Variants in PTPRN2 observed in about 807,000 individuals in gnomAD.
PTPRN2 encodes receptor-type tyrosine-protein phosphatase N2.
A neutral mutation model predicts 118.8 loss-of-function variants in PTPRN2; 74 were observed. That is an observed-to-expected ratio of 0.62 (90% confidence interval 0.52 to 0.76). The LOEUF (loss-of-function observed/expected upper bound fraction) is 0.76. Ranked by LOEUF, PTPRN2 falls within the 30% of genes least tolerant of loss-of-function variation. The pLI is 0.00. For missense variants in PTPRN2, 1,481 were observed against 1,394.4 expected (o/e 1.06, Z -0.99); for synonymous variants, 641 against 608.0 (o/e 1.05, Z -0.80).
Position 158,483,534 on chromosome 7 carries a change from A to G in PTPRN2, c.163+6201T>C, listed in dbSNP as rs555454135. ...TAGTGCTTTTAGTACCTAAGTTGCA[A>G]TGGGAGGTGATTGTTTGCTGGAAAA... On this transcript the variant is annotated intron_variant, in intron 2 of 22. Coordinates refer to ENST00000389418, the MANE Select transcript of PTPRN2 (RefSeq NM_002847.5). Among the ~76,000 whole-genome samples the G allele has an allele frequency of 1.1e-4, 16 of 152,304 alleles. No homozygotes were observed. In the East Asian group the frequency reaches 3.1e-3, roughly 29 times the overall value.
chr7:157,623,286 T>C (rs1359220115), intron 14 of PTPRN2, among the ~76,000 whole-genome samples: 2 of 152,258 alleles, frequency 1.3e-5, no homozygotes, highest in Non-Finnish European at 1.5e-5. Flanking sequence ...TTGATAGTTA[T>C]GGTGAAAGGA....
chr7:158,057,665 C>T (rs1161966442), intron 11 of PTPRN2, among the ~76,000 whole-genome samples: 1 of 152,144 alleles, frequency 6.6e-6, no homozygotes, highest in Non-Finnish European at 1.5e-5. Context: ...AGAGCCCAGG[C>T]CCCACTTCCT....
chr7:158,360,034 ATCCC>A lies in PTPRN2; in HGVS notation c.164-43106_164-43103del, dbSNP rs1563198410. 7.7e-4 allele frequency among the ~76,000 whole-genome samples: 115 copies of A among 149,542 alleles called. 4 individuals are homozygous for A. Among genetic ancestry groups the A allele is most frequent in the African/African-American group, 2.6e-3 (102 of 39,580 alleles). On this transcript the variant is annotated intron_variant, in intron 2 of 22. Coordinates refer to ENST00000389418, the MANE Select transcript of PTPRN2 (RefSeq NM_002847.5). ...CCTTCCTCACCCAGACAACCCACAG[ATCCC>A]AAGTCCACCCACACCCAGGACGACG...
chr7:157,654,551 G>A (rs893546319), intron 14 of PTPRN2, among the ~76,000 whole-genome samples: 3 of 152,152 alleles, frequency 2.0e-5, no homozygotes, highest in Non-Finnish European at 4.4e-5. Flanking sequence ...GTGGTGAGAC[G>A]CGTTCCGAAA....
At position 158,068,878 on chromosome 7, in the gene PTPRN2, T is replaced by C. The variant is rs138038615; in HGVS notation, c.1723+12420A>G. On this transcript the variant is annotated intron_variant, in intron 11 of 22. Coordinates refer to ENST00000389418, the MANE Select transcript of PTPRN2 (RefSeq NM_002847.5). ...GTAATAAGACAAGGTGTTGATAGAG[T>C]GCAAACTGTCTTTAAATTTAAAAGG... Among the ~76,000 whole-genome samples, 417 of 152,274 alleles carry C rather than the reference T, an allele frequency of 2.7e-3. 3 individuals carry two copies. Among genetic ancestry groups the C allele is most frequent in the African/African-American group, 9.6e-3 (399 of 41,530 alleles).
intron 12 of PTPRN2, among the ~76,000 whole-genome samples, chr7:157,714,059 G>A (rs552682486): frequency 9.2e-5 from 14 of 152,338 alleles, no homozygotes; most frequent in South Asian, 4.1e-4. Flanking sequence ...GTAAAGCCAC[G>A]AAGGCATCGT....
intron 2 of PTPRN2, among the ~76,000 whole-genome samples, chr7:158,401,391 G>A (rs1011484636): frequency 2.0e-5 from 3 of 152,240 alleles, no homozygotes; most frequent in African/African-American, 7.2e-5. Flanking sequence ...AGGAGCCGCT[G>A]GACCCCAAGG....
intron 12 of PTPRN2, among the ~76,000 whole-genome samples, chr7:157,792,424 G>A (rs918599922): frequency 3.3e-5 from 5 of 152,338 alleles, no homozygotes; most frequent in Non-Finnish European, 5.9e-5. Flanking sequence ...CAGCAGTGGA[G>A]AGAAGCCCAT....
At chr7:158,274,649 G>A (rs942659242) in intron 3 of PTPRN2, among the ~76,000 whole-genome samples, 2 of 152,170 alleles carry the variant, frequency 1.3e-5, no homozygotes, top group Non-Finnish European at 2.9e-5. Flanking sequence ...GTGTGGAGGG[G>A]CCGCGTGGCT....
chr7:158,245,987 G>T (rs1047285912), intron 3 of PTPRN2, among the ~76,000 whole-genome samples: 3 of 151,996 alleles, frequency 2.0e-5, no homozygotes, highest in Non-Finnish European at 2.9e-5. Flanking sequence ...ATCAGGGCCT[G>T]GTTGGCAGCA....
chr7:158,309,735 T>G (rs559586983), intron 3 of PTPRN2, among the ~76,000 whole-genome samples: 1 of 152,322 alleles, frequency 6.6e-6, no homozygotes, highest in South Asian at 2.1e-4. Flanking sequence ...GAATATAAGA[T>G]TAGTTCAAAT....
At position 157,808,458 on chromosome 7, in the gene PTPRN2, C is replaced by T. The variant is rs1431273377; in HGVS notation, c.1788+90215G>A. 6.6e-6 allele frequency among the ~76,000 whole-genome samples: 1 copy of T among 152,250 alleles called. No homozygotes were observed. Among genetic ancestry groups the T allele is most frequent in the African/African-American group, 2.4e-5 (1 of 41,554 alleles). On this transcript the variant is annotated intron_variant, in intron 12 of 22. Coordinates refer to ENST00000389418, the MANE Select transcript of PTPRN2 (RefSeq NM_002847.5). The surrounding 1 kb of genome is among the most constrained non-coding windows in gnomAD (Gnocchi z 5.0). Reference sequence around the variant, plus strand: ...CAGTGGCATCAGATTCTCATAGGAGCTTGAGCCCTGTTGTGAACTGTGCAT... The same window carrying T: ...CAGTGGCATCAGATTCTCATAGGAGTTTGAGCCCTGTTGTGAACTGTGCAT...
chr7:157,661,389 T>A (rs1795878849), intron 13 of PTPRN2, among the ~76,000 whole-genome samples: 1 of 151,946 alleles, frequency 6.6e-6, no homozygotes, highest in East Asian at 1.9e-4. Flanking sequence ...GGGAGAAGGG[T>A]GTGCCCACAG....
rs961273606 is a variant in PTPRN2, at chr7:158,110,950, A to G, written c.1557-35T>C. The stretch of plus-strand genomic sequence containing the variant: ...ACAGCAGGGATGGGGAGCAGTCACC[A>G]CAGAGCCAGCAGTCCTGGAGAACTA... On this transcript the variant is annotated intron_variant, in intron 9 of 22. Coordinates refer to ENST00000389418, the MANE Select transcript of PTPRN2 (RefSeq NM_002847.5). 9 of 1,517,886 alleles carry G rather than the reference A, an allele frequency of 5.9e-6. No homozygotes were observed. In the Admixed American group the frequency reaches 1.6e-4, roughly 27 times the overall value. 94.0% of individuals were successfully genotyped at this position (1,517,886 alleles called of 1,614,324 possible). A position where few individuals can be genotyped will look rare whatever the true frequency, so the allele number is the denominator to read the frequency against.
intron 11 of PTPRN2, among the ~76,000 whole-genome samples, chr7:158,012,587 C>T (rs915814684): frequency 5.3e-5 from 8 of 152,178 alleles, no homozygotes; most frequent in South Asian, 4.1e-4. Flanking sequence ...TTATTACCAC[C>T]GCTTGAAGAA....
chr7:158,125,056 T>C (rs565804620), intron 9 of PTPRN2, among the ~76,000 whole-genome samples: 67 of 152,256 alleles, frequency 4.4e-4, no homozygotes, highest in African/African-American at 1.6e-3. Flanking sequence ...GGGAGACAGC[T>C]GGCCATGGAG....
intron 2 of PTPRN2, among the ~76,000 whole-genome samples, chr7:158,362,852 GC>G (rs1809110169): frequency 6.6e-6 from 1 of 152,154 alleles, no homozygotes; most frequent in African/African-American, 2.4e-5. Flanking sequence ...AGGGGCAGTA[GC>G]CCCAAAGCCC....
intron 12 of PTPRN2, among the ~76,000 whole-genome samples, chr7:157,689,310 G>A (rs1227198915): frequency 6.6e-6 from 1 of 152,196 alleles, no homozygotes; most frequent in Non-Finnish European, 1.5e-5. Flanking sequence ...CCTGCGCTCC[G>A]GACTCCAGGC....
chr7:158,198,349 A>G (rs10279290), intron 4 of PTPRN2, among the ~76,000 whole-genome samples: 71,951 of 152,064 alleles, frequency 0.47, 18,199 homozygotes, highest in African/African-American at 0.67. Context: ...AAAACTTCAT[A>G]CGTATGAATT....
Sources: allele counts gnomAD v4.1 joint callset (sites outside exome capture counted in the v4.1 genomes callset), GRCh38; gene constraint gnomAD v4.1.1; non-coding constraint Gnocchi (gnomAD v3.1); transcripts MANE v1.5; gene names NCBI Gene and HGNC (gene_info 2026-07-23, HGNC 2026-07-21).